The following FAM89A variants were observed in gnomAD, a reference collection of about 807,000 sequenced individuals.
The protein encoded by FAM89A is protein FAM89A.
In FAM89A, 10 loss-of-function variants were observed where a neutral mutation model predicts 7.1. The ratio of observed to expected loss-of-function variants is 1.40; its 90% CI spans 0.86 to 2.38. The LOEUF (loss-of-function observed/expected upper bound fraction) is 2.38, where lower values mean the gene tolerates loss of function less well. FAM89A is among the 30% of genes most tolerant of loss of function. FAM89A has a pLI of 0.00. For synonymous variants in FAM89A, 157 were observed against 129.3 expected, an observed-to-expected ratio of 1.21 and a Z score of -1.45; for missense variants, 276 against 262.8, an observed-to-expected ratio of 1.05 and a Z score of -0.35.
At chr1:231,028,560 G>A (rs907521957) in intron 1 of FAM89A, 13 of 152,150 alleles carry the variant, frequency 8.5e-5, no homozygotes, top group African/African-American at 2.2e-4. Context: ...CTTGGAGGAC[G>A]GCTGGTCTCC....
At chr1:231,020,438 C>T (rs565701989) in intron 1 of FAM89A, among the ~76,000 whole-genome samples, 4 of 152,222 alleles carry the variant, frequency 2.6e-5, no homozygotes, top group African/African-American at 9.6e-5. Context: ...TCTAGTGGCC[C>T]CACCTGCTTT....
Position 231,019,700 on chromosome 1 carries a change from A to C in FAM89A, c.*163T>G. ...CCATCAAAGCAGACTGCCACCATGC[A>C]TCCGCGGAGAACTCCCTGCCTACAA... On this transcript the variant is annotated 3_prime_UTR_variant, in exon 2 of 2. Coordinates refer to ENST00000366654, the MANE Select transcript of FAM89A (RefSeq NM_198552.3). The C allele has an allele frequency of 2.7e-6, 2 of 739,168 alleles. No individual in the cohort carries two copies. Among genetic ancestry groups the C allele is most frequent in the Non-Finnish European group, 4.3e-6 (2 of 461,920 alleles). 45.8% of individuals were successfully genotyped at this position (739,168 alleles called of 1,614,324 possible).
intron 1 of FAM89A, among the ~76,000 whole-genome samples, chr1:231,029,962 C>T (rs2103074086): frequency 6.6e-6 from 1 of 152,320 alleles, no homozygotes; most frequent in Middle Eastern, 3.4e-3. Context: ...CTGAAGGATG[C>T]TGCCCTGCAT....
chr1:231,032,871 C>T (rs1680098752), intron 1 of FAM89A, among the ~76,000 whole-genome samples: 1 of 152,146 alleles, frequency 6.6e-6, no homozygotes, highest in Non-Finnish European at 1.5e-5. Flanking sequence ...CTCCCCAGAT[C>T]CCTCCACTGG....
chr1:231,021,970 C>T lies in FAM89A; in HGVS notation c.292-1844G>A, dbSNP rs187216942. The T allele has an allele frequency of 1.7e-4, 235 of 1,353,664 alleles. 2 individuals carry two copies. In the Middle Eastern group the frequency reaches 1.8e-3, roughly 10 times the overall value. The allele number at this position is 1,353,664 out of a possible 1,614,324, so 83.9% of individuals were successfully genotyped here. ...CTTCCAGAAACACCAGGGATGAGGG[C>T]GCTATAGGCCTCAGGCCCTCGGGTA... On this transcript the variant is annotated intron_variant, in intron 1 of 1. Coordinates refer to ENST00000366654, the MANE Select transcript of FAM89A (RefSeq NM_198552.3).
At chr1:231,022,170 C>G in intron 1 of FAM89A, 1 of 1,058,478 alleles carries the variant, frequency 9.4e-7, no homozygotes. Context: ...CAGTACCACT[C>G]CATTCATATA....
chr1:231,038,248 A>G (rs893655057), intron 1 of FAM89A, among the ~76,000 whole-genome samples: 1 of 152,210 alleles, frequency 6.6e-6, no homozygotes, highest in Non-Finnish European at 1.5e-5. Context: ...ATAGGCTTAC[A>G]GAGAGCTCTG....
At chr1:231,022,101 G>A (rs556803886) in intron 1 of FAM89A, 29 of 1,376,196 alleles carry the variant, frequency 2.1e-5, no homozygotes, top group Middle Eastern at 1.8e-4. Context: ...CAGTGCCTCC[G>A]TGATTCCCTG....
intron 1 of FAM89A, chr1:231,022,254 T>C (rs1679892467): frequency 2.5e-6 from 2 of 814,642 alleles, no homozygotes; most frequent in African/African-American, 1.7e-5. Flanking sequence ...TCCATTTTCC[T>C]GAGCTCAAAA....
At chr1:231,023,577 C>T (rs1459355934) in intron 1 of FAM89A, among the ~76,000 whole-genome samples, 1 of 152,224 alleles carries the variant, frequency 6.6e-6, no homozygotes, top group Non-Finnish European at 1.5e-5. Flanking sequence ...GTTTACCCTT[C>T]TGAAGGAGAA....
intron 1 of FAM89A, among the ~76,000 whole-genome samples, chr1:231,027,484 A>G (rs1572355637): frequency 6.6e-6 from 1 of 151,792 alleles, no homozygotes; most frequent in Non-Finnish European, 1.5e-5. Context: ...ACGCCTACAC[A>G]CCTCCCAGCC....
chr1:231,024,388 A>G (rs1201965094), intron 1 of FAM89A, among the ~76,000 whole-genome samples: 2 of 152,172 alleles, frequency 1.3e-5, no homozygotes, highest in African/African-American at 4.8e-5. Context: ...TTGTAAATAG[A>G]TTGGGTGTTA....
chr1:231,030,225 C>T lies in FAM89A; in HGVS notation c.291+9696G>A, dbSNP rs141032031. Among the ~76,000 whole-genome samples, 245 of 152,330 alleles carry T rather than the reference C, an allele frequency of 1.6e-3. 3 individuals carry two copies. Among genetic ancestry groups the T allele is most frequent in the African/African-American group, 5.6e-3 (234 of 41,568 alleles). On this transcript the variant is annotated intron_variant, in intron 1 of 1. Transcript: ENST00000366654. ...CTGTTAATATTTTAGACCTGCCAAG[C>T]TGAGGACTAGACTCTAAAGCGCCAT...
intron 1 of FAM89A, among the ~76,000 whole-genome samples, chr1:231,032,012 A>G (rs1680078212): frequency 6.6e-6 from 1 of 152,206 alleles, no homozygotes; most frequent in Admixed American, 6.5e-5. Context: ...CCTCAAGTCC[A>G]AAGCAATGGG....
At chr1:231,028,251 T>C (rs1216025634) in intron 1 of FAM89A, among the ~76,000 whole-genome samples, 2 of 152,156 alleles carry the variant, frequency 1.3e-5, no homozygotes, top group African/African-American at 4.8e-5. Context: ...ATCAGACCAC[T>C]GAGTCCCCGC....
chr1:231,029,268 T>G (rs1680028579), intron 1 of FAM89A, among the ~76,000 whole-genome samples: 2 of 152,264 alleles, frequency 1.3e-5, no homozygotes, highest in Admixed American at 6.5e-5. Context: ...CAGGAGGATC[T>G]GCTTGAGCCC....
chr1:231,032,274 G>A (rs1003328319), intron 1 of FAM89A, among the ~76,000 whole-genome samples: 3 of 152,032 alleles, frequency 2.0e-5, no homozygotes, highest in African/African-American at 7.2e-5. Context: ...TTTAAAAAAT[G>A]CAATTACAAG....
At chr1:231,020,186 T>G in intron 1 of FAM89A, 60 bp from the exon 2 acceptor site, 1 of 1,509,888 alleles carries the variant, frequency 6.6e-7, no homozygotes, top group Non-Finnish European at 8.9e-7. Context: ...TTAATTTCAG[T>G]GGAACACTCA....
chr1:231,035,883 G>T (rs1680150406), intron 1 of FAM89A, among the ~76,000 whole-genome samples: 1 of 152,192 alleles, frequency 6.6e-6, no homozygotes, highest in African/African-American at 2.4e-5. Context: ...CCATCCACAT[G>T]CTCACACCAT....
Sources: allele counts gnomAD v4.1 joint callset (sites outside exome capture counted in the v4.1 genomes callset), GRCh38; gene constraint gnomAD v4.1.1; transcripts MANE v1.5; gene names NCBI Gene and HGNC (gene_info 2026-07-23, HGNC 2026-07-21).